CHRM2: variants seen among roughly 807,000 people sequenced by gnomAD.
The protein encoded by CHRM2 is cholinergic receptor muscarinic 2.
A neutral mutation model predicts 25.0 loss-of-function variants in CHRM2; 8 were observed. The ratio of observed to expected loss-of-function variants is 0.32; its 90% confidence interval spans 0.19 to 0.58. CHRM2 has a LOEUF of 0.58. CHRM2 is among the 20% of genes least tolerant of loss of function. CHRM2 has a pLI of 0.88. For synonymous variants in CHRM2, 202 were observed against 205.7 expected, an observed-to-expected ratio of 0.98 and a Z score of 0.15; for missense variants, 440 against 567.1, an observed-to-expected ratio of 0.78 and a Z score of 2.28.
chr7:136,985,377 G>A (rs1323145953), intron 2 of CHRM2, among the ~76,000 whole-genome samples: 1 of 151,850 alleles, frequency 6.6e-6, no homozygotes, highest in Non-Finnish European at 1.5e-5. Context: ...GGGTGTGGTG[G>A]CACATGCCTG....
intron 2 of CHRM2, among the ~76,000 whole-genome samples, chr7:136,906,403 G>T (rs2130655289): frequency 6.6e-6 from 1 of 151,070 alleles, no homozygotes; most frequent in Non-Finnish European, 1.5e-5. Flanking sequence ...TTATACATAT[G>T]TAATATGTGT....
At chr7:136,980,080 T>C (rs549576942) in intron 2 of CHRM2, among the ~76,000 whole-genome samples, 1 of 152,352 alleles carries the variant, frequency 6.6e-6, no homozygotes, top group Non-Finnish European at 1.5e-5. Flanking sequence ...TCCATGAGCA[T>C]GAAATGTTTT....
At chr7:136,932,847 T>C (rs1779970302) in intron 2 of CHRM2, among the ~76,000 whole-genome samples, 3 of 152,162 alleles carry the variant, frequency 2.0e-5, no homozygotes, top group African/African-American at 7.2e-5. Flanking sequence ...CTGGCCAACA[T>C]GGCGAAACCT....
chr7:136,980,785 A>G (rs1010431615), intron 2 of CHRM2, among the ~76,000 whole-genome samples: 1 of 152,206 alleles, frequency 6.6e-6, no homozygotes, highest in Admixed American at 6.5e-5. Flanking sequence ...CATCCCAGGG[A>G]TGAAGCTGAC....
chr7:136,924,333 G>C (rs1341914803), intron 2 of CHRM2, among the ~76,000 whole-genome samples: 1 of 151,182 alleles, frequency 6.6e-6, no homozygotes, highest in Non-Finnish European at 1.5e-5. Context: ...TTTAACATTA[G>C]GTATATCTCC....
intron 2 of CHRM2, among the ~76,000 whole-genome samples, chr7:136,939,689 AG>A (rs1474063389): frequency 6.6e-6 from 1 of 152,226 alleles, no homozygotes; most frequent in Non-Finnish European, 1.5e-5. Flanking sequence ...TCAAGTGAAG[AG>A]ACAGAGCTTT....
At chr7:136,968,538 A>C (rs536804475) in intron 2 of CHRM2, among the ~76,000 whole-genome samples, 1 of 152,016 alleles carries the variant, frequency 6.6e-6, no homozygotes, top group South Asian at 2.1e-4. Flanking sequence ...GTATATCCAA[A>C]GGAACTAATA....
chr7:136,870,950 C>T (rs1016620189), intron 2 of CHRM2: 1 of 152,622 alleles, frequency 6.6e-6, no homozygotes, highest in East Asian at 1.9e-4. Context: ...CTTTTCTTAG[C>T]GCTGGGTGGC....
intron 2 of CHRM2, among the ~76,000 whole-genome samples, chr7:136,925,659 G>A (rs924464200): frequency 6.6e-6 from 1 of 152,028 alleles, no homozygotes; most frequent in Non-Finnish European, 1.5e-5. Context: ...ACTGGGTAGT[G>A]GGAAACTAAT....
intron 2 of CHRM2, among the ~76,000 whole-genome samples, chr7:136,882,762 AT>A (rs1211755350): frequency 6.6e-6 from 1 of 152,094 alleles, no homozygotes; most frequent in African/African-American, 2.4e-5. Context: ...TTATAGGTAT[AT>A]AGTAATATTA....
At chr7:136,882,157 C>T (rs532945333) in intron 2 of CHRM2, among the ~76,000 whole-genome samples, 3 of 152,108 alleles carry the variant, frequency 2.0e-5, no homozygotes, top group African/African-American at 7.2e-5. Flanking sequence ...CTAGTCCCTC[C>T]AGCTATTTAG....
intron 2 of CHRM2, among the ~76,000 whole-genome samples, chr7:136,910,034 T>C (rs1797759647): frequency 6.6e-6 from 1 of 151,694 alleles, no homozygotes; most frequent in East Asian, 2.0e-4. Flanking sequence ...ACTGAGTGAG[T>C]AGTGGCAAAT....
chr7:136,951,533 G>T (rs1015009024), intron 2 of CHRM2, among the ~76,000 whole-genome samples: 3 of 152,102 alleles, frequency 2.0e-5, no homozygotes, highest in African/African-American at 4.8e-5. Context: ...TGGCAGATCT[G>T]CATTCTTCCC....
intron 3 of CHRM2, among the ~76,000 whole-genome samples, chr7:136,994,854 G>A (rs532339253): frequency 1.5e-4 from 23 of 151,938 alleles, no homozygotes; most frequent in African/African-American, 4.6e-4. Flanking sequence ...AGTTTAATAG[G>A]GAAGAGGGGA....
intron 2 of CHRM2, chr7:136,899,840 T>C (rs1797102443): frequency 1.3e-5 from 2 of 152,072 alleles, no homozygotes; most frequent in Admixed American, 1.3e-4. Flanking sequence ...AGGAAAGATA[T>C]AAACAGGAGT....
chr7:136,913,757 TA>T (rs1445800388), intron 2 of CHRM2, among the ~76,000 whole-genome samples: 5 of 151,928 alleles, frequency 3.3e-5, no homozygotes, highest in African/African-American at 1.2e-4. Flanking sequence ...GGTATTATTT[TA>T]AAAAATTATA....
intron 3 of CHRM2, among the ~76,000 whole-genome samples, chr7:137,000,214 T>TTC (rs1395651564): frequency 1.4e-5 from 2 of 141,188 alleles, no homozygotes; most frequent in Non-Finnish European, 3.1e-5. Context: ...TTTTTTTTTT[T>TTC]TTCGGACAGA....
At chr7:136,930,404 A>T (rs1798994702) in intron 2 of CHRM2, among the ~76,000 whole-genome samples, 1 of 152,110 alleles carries the variant, frequency 6.6e-6, no homozygotes, top group Non-Finnish European at 1.5e-5. Flanking sequence ...CTAGGAGGAA[A>T]TGCAGATGCT....
intron 2 of CHRM2, among the ~76,000 whole-genome samples, chr7:136,920,385 GA>G (rs1481299393): frequency 6.6e-6 from 1 of 152,134 alleles, no homozygotes; most frequent in Non-Finnish European, 1.5e-5. Flanking sequence ...GAACTCAAAT[GA>G]GGTCTCACAT....
Sources: allele counts gnomAD v4.1 joint callset (sites outside exome capture counted in the v4.1 genomes callset), GRCh38; gene constraint gnomAD v4.1.1; transcripts MANE v1.5; gene names NCBI Gene and HGNC (gene_info 2026-07-23, HGNC 2026-07-21).